The following REC114 variants were observed in gnomAD, a reference collection of about 807,000 sequenced individuals.
REC114 encodes REC114 meiotic recombination protein.
REC114 carries 27 observed loss-of-function variants against 31.3 expected under a neutral mutation model. The ratio of observed to expected loss-of-function variants is 0.86; its 90% CI spans 0.64 to 1.19. REC114 has a LOEUF of 1.19. REC114 is among the 50% of genes most tolerant of loss of function. The pLI is 0.00. For synonymous variants in REC114, 134 were observed against 127.7 expected, an observed-to-expected ratio of 1.05 and a Z score of -0.33; for missense variants, 344 against 326.9, an observed-to-expected ratio of 1.05 and a Z score of -0.40.
chr15:73,550,467 C>T (rs563096799), intron 3 of REC114, among the ~76,000 whole-genome samples: 12 of 152,204 alleles, frequency 7.9e-5, no homozygotes, highest in Non-Finnish European at 2.9e-5. Context: ...ATCTGCCTGT[C>T]ACTCTTCCCC....
chr15:73,477,040 T>C (rs1893224440), intron 2 of REC114, among the ~76,000 whole-genome samples: 1 of 152,222 alleles, frequency 6.6e-6, no homozygotes, highest in African/African-American at 2.4e-5. Context: ...TGTCAGTCTT[T>C]TTAACTTATC....
chr15:73,491,234 C>CTTAATTTTTTGTAT (rs1893438296), intron 2 of REC114, among the ~76,000 whole-genome samples: 5 of 139,376 alleles, frequency 3.6e-5, no homozygotes, highest in South Asian at 2.4e-4. Flanking sequence ...TCTTTGTGTA[C>CTTAATTTTTTGTAT]TATCTTTGTG....
At chr15:73,447,592 G>A (rs1035090947) in intron 1 of REC114, among the ~76,000 whole-genome samples, 6 of 151,908 alleles carry the variant, frequency 3.9e-5, no homozygotes, top group Non-Finnish European at 8.8e-5. Flanking sequence ...AGGTTGCAGT[G>A]AGCCAAGATT....
intron 2 of REC114, among the ~76,000 whole-genome samples, chr15:73,530,912 T>G (rs923342307): frequency 6.6e-6 from 1 of 152,150 alleles, no homozygotes; most frequent in African/African-American, 2.4e-5. Flanking sequence ...TTTGGTGTTC[T>G]GGGCCTGGGG....
At chr15:73,538,914 C>T (rs1278851493) in intron 2 of REC114, among the ~76,000 whole-genome samples, 1 of 149,386 alleles carries the variant, frequency 6.7e-6, no homozygotes, top group African/African-American at 2.5e-5. Context: ...AAAAAAAAAG[C>T]AGAAATGCTT....
intron 2 of REC114, among the ~76,000 whole-genome samples, chr15:73,511,678 T>C (rs2141315006): frequency 6.7e-6 from 1 of 148,284 alleles, no homozygotes; most frequent in East Asian, 2.0e-4. Context: ...AACATCTTTA[T>C]TTCTGCCTTC....
intron 2 of REC114, among the ~76,000 whole-genome samples, chr15:73,523,842 T>C (rs1253298579): frequency 1.3e-5 from 2 of 152,204 alleles, no homozygotes; most frequent in African/African-American, 2.4e-5. Context: ...AGGTCTATGA[T>C]TTATTTTTAG....
At chr15:73,508,527 C>G (rs1451641761) in intron 2 of REC114, among the ~76,000 whole-genome samples, 2 of 148,802 alleles carry the variant, frequency 1.3e-5, no homozygotes. Flanking sequence ...ATGTGCCATG[C>G]TGGTGAGCTG....
At chr15:73,520,494 T>C (rs1000396329) in intron 2 of REC114, among the ~76,000 whole-genome samples, 10 of 152,078 alleles carry the variant, frequency 6.6e-5, no homozygotes, top group African/African-American at 2.2e-4. Context: ...CCCCAAAGTG[T>C]TGGGATTACA....
At chr15:73,515,207 A>G (rs912219609) in intron 2 of REC114, among the ~76,000 whole-genome samples, 1 of 152,178 alleles carries the variant, frequency 6.6e-6, no homozygotes, top group Non-Finnish European at 1.5e-5. Context: ...CTGGGATTAC[A>G]GGCATGAGCC....
intron 2 of REC114, among the ~76,000 whole-genome samples, chr15:73,502,710 G>A (rs780164422): frequency 2.6e-5 from 4 of 152,150 alleles, no homozygotes; most frequent in Non-Finnish European, 4.4e-5. Context: ...GTTCAAACCT[G>A]TGTTGTTGAA....
chr15:73,467,333 A>G (rs1893075984), intron 1 of REC114, among the ~76,000 whole-genome samples: 1 of 152,220 alleles, frequency 6.6e-6, no homozygotes. Context: ...TAAATTCTCT[A>G]CAGACCAAGC....
intron 2 of REC114, among the ~76,000 whole-genome samples, chr15:73,474,943 A>G (rs1312901360): frequency 6.6e-6 from 1 of 152,170 alleles, no homozygotes; most frequent in Non-Finnish European, 1.5e-5. Flanking sequence ...GTGACTTTTA[A>G]AACTGCAGCA....
intron 1 of REC114, among the ~76,000 whole-genome samples, chr15:73,454,137 ATAAAT>A (rs1199503861): frequency 2.0e-5 from 3 of 152,134 alleles, no homozygotes; most frequent in South Asian, 2.1e-4. Flanking sequence ...ACAAACAAAA[ATAAAT>A]TAAATAAATA....
At chr15:73,511,926 T>G (rs1240264008) in intron 2 of REC114, among the ~76,000 whole-genome samples, 1 of 139,074 alleles carries the variant, frequency 7.2e-6, no homozygotes, top group Non-Finnish European at 1.5e-5. Context: ...TTCTGTTGAT[T>G]TGGGGTGGAG....
intron 2 of REC114, among the ~76,000 whole-genome samples, chr15:73,489,528 C>T (rs1256246247): frequency 6.6e-6 from 1 of 151,736 alleles, no homozygotes; most frequent in Admixed American, 6.6e-5. Context: ...TCCTAAGGGC[C>T]CTACTCCCAT....
chr15:73,514,380 G>A (rs1893827707), intron 2 of REC114, among the ~76,000 whole-genome samples: 1 of 151,916 alleles, frequency 6.6e-6, no homozygotes, highest in African/African-American at 2.4e-5. Flanking sequence ...TACCTCAGAT[G>A]GAAATGCAGA....
intron 2 of REC114, among the ~76,000 whole-genome samples, chr15:73,509,000 G>C (rs1385686381): frequency 2.0e-5 from 3 of 150,546 alleles, no homozygotes; most frequent in Non-Finnish European, 3.0e-5. Flanking sequence ...TCTAGTTCTA[G>C]ATCCCTGAGG....
At chr15:73,552,406 TTTTG>T (rs1418157127) in intron 4 of REC114, among the ~76,000 whole-genome samples, 1 of 152,258 alleles carries the variant, frequency 6.6e-6, no homozygotes, top group African/African-American at 2.4e-5. Context: ...AAAATCATTA[TTTTG>T]TTTTAGAAAA....
Sources: gnomAD v4.1 joint callset for allele counts (sites outside exome capture counted in the v4.1 genomes callset) on GRCh38, gnomAD v4.1.1 for gene constraint, MANE v1.5 for transcripts, NCBI Gene and HGNC (gene_info 2026-07-23, HGNC 2026-07-21) for gene names.